NEO1: variants seen among roughly 807,000 people sequenced by gnomAD.
NEO1 encodes the protein neogenin.
Under a neutral mutation model 159.7 loss-of-function variants are expected in NEO1, and 63 were observed. The observed-to-expected ratio is 0.39, with a 90% CI of 0.32 to 0.49. The LOEUF (loss-of-function observed/expected upper bound fraction) is 0.49. NEO1 is among the 20% of genes least tolerant of loss of function. NEO1 has a pLI of 0.85. For missense variants in NEO1, 1,615 were observed against 1,831.0 expected (o/e 0.88, Z 2.15); for synonymous variants, 633 against 662.0 (o/e 0.96, Z 0.67).
chr15:73,232,605 G>A (rs1226608095), intron 7 of NEO1, among the ~76,000 whole-genome samples: 2 of 152,138 alleles, frequency 1.3e-5, no homozygotes, highest in African/African-American at 4.8e-5. Flanking sequence ...CAGTCCCTAG[G>A]GTACATACAC....
In NEO1 at chr15:73,135,894, T is replaced by G; in HGVS notation, c.882T>G (p.Ser294=). Residue 294 remains serine (S), a synonymous_variant, in exon 5 of 29, where the codon TCT becomes TCG. Coordinates refer to ENST00000261908, the MANE Select transcript of NEO1 (RefSeq NM_002499.4). ...TTTTTTTTTTTTTTTAACACAGCTC[T>G]GAAAGATTGGTATTGCTGGCAGGTG... The part of the protein sequence containing the change: ...KNEEALDTES[S]ERLVLLAGGS... 1 of 1,548,070 alleles carries G rather than the reference T, an allele frequency of 6.5e-7. No individual in the cohort carries two copies. Among genetic ancestry groups the G allele is most frequent in the Non-Finnish European group, 8.7e-7 (1 of 1,150,942 alleles).
Position 73,202,112 on chromosome 15 carries a change from C to T in NEO1, c.1291+23685C>T, listed in dbSNP as rs551792142. On this transcript the variant is annotated intron_variant, in intron 7 of 28. Transcript: ENST00000261908. The stretch of plus-strand genomic sequence containing the variant: ...CCGAGTAGCTGGGATTACAGGCATG[C>T]GCCACCACACCTGGCTATTTTTGTG... Among the ~76,000 whole-genome samples the T allele has an allele frequency of 2.8e-4, 43 of 151,472 alleles. 1 individual carries two copies. In the East Asian group the frequency reaches 2.9e-3, roughly 10 times the overall value.
chr15:73,302,625 G>C lies in NEO1; in HGVS notation c.4315G>C (p.Asp1439His). The change falls in exon 29 of 29, where the codon GAT (aspartate) becomes CAT (histidine). Residue 1439 changes from aspartate (D) to histidine (H), a missense_variant. This residue lies in a region of NEO1 where 471 missense variants were observed against 498.9 expected (regional missense o/e 0.94). Coordinates refer to ENST00000261908, the MANE Select transcript of NEO1 (RefSeq NM_002499.4). ...LEDSESSYEP[D>H]ELTKEMAHLE... ...TTCTTTTCCATAGAGCTATGAACCA[G>C]ATGAGCTGACCAAAGAGATGGCCCA... 1 of 1,614,008 alleles carries C rather than the reference G, an allele frequency of 6.2e-7. No homozygotes were observed. The highest frequency in any genetic ancestry group is 1.7e-5 in the Admixed American group (1 of 59,996).
chr15:73,271,842 G>A (rs1207629598), intron 18 of NEO1, among the ~76,000 whole-genome samples: 2 of 149,492 alleles, frequency 1.3e-5, no homozygotes, highest in African/African-American at 4.9e-5. Context: ...AGGAGGCAGA[G>A]GTTGCAATGA....
intron 9 of NEO1, among the ~76,000 whole-genome samples, chr15:73,247,893 T>C (rs2039878485): frequency 6.6e-6 from 1 of 152,150 alleles, no homozygotes; most frequent in Non-Finnish European, 1.5e-5. Context: ...GCTAGACACT[T>C]AAGCAGTCAG....
intron 5 of NEO1, among the ~76,000 whole-genome samples, chr15:73,146,852 T>C (rs2032940416): frequency 6.6e-6 from 1 of 152,232 alleles, no homozygotes; most frequent in Non-Finnish European, 1.5e-5. Context: ...GCCTGTTTGC[T>C]GTTTGTACAT....
chr15:73,256,623 G>T (rs985093888), intron 13 of NEO1, among the ~76,000 whole-genome samples: 1 of 152,152 alleles, frequency 6.6e-6, no homozygotes, highest in African/African-American at 2.4e-5. Context: ...TCACAAATGG[G>T]ATTGACTTCC....
rs1236654210 is a variant in NEO1, at chr15:73,208,313, A to C, written c.1292-28034A>C. Among the ~76,000 whole-genome samples the C allele has an allele frequency of 1.3e-5, 2 of 152,210 alleles. 1 individual carries two copies. On this transcript the variant is annotated intron_variant, in intron 7 of 28. Coordinates refer to ENST00000261908, the MANE Select transcript of NEO1 (RefSeq NM_002499.4). ...GTCAGACATGGAGTCCCTGAGATTT[A>C]TTAGCAAGACCATTTTGTTCTGTTT...
intron 27 of NEO1, 93 bp from the exon 28 acceptor site, chr15:73,301,228 C>G (rs751682750): frequency 1.7e-5 from 26 of 1,529,714 alleles, no homozygotes; most frequent in African/African-American, 2.7e-5. Context: ...GTATGTCTCT[C>G]TCACCCCGAA....
At chr15:73,220,988 G>A (rs1169599112) in intron 7 of NEO1, among the ~76,000 whole-genome samples, 2 of 152,342 alleles carry the variant, frequency 1.3e-5, no homozygotes, top group East Asian at 3.9e-4. Context: ...TTCCTTTGGA[G>A]GAGGAGAGGC....
At chr15:73,149,280 A>T (rs1182952534) in intron 5 of NEO1, among the ~76,000 whole-genome samples, 4 of 150,994 alleles carry the variant, frequency 2.6e-5, no homozygotes, top group African/African-American at 9.8e-5. Context: ...GCGCCATTGC[A>T]CTCCAGCCTG....
intron 5 of NEO1, among the ~76,000 whole-genome samples, chr15:73,140,115 G>A (rs1215439144): frequency 6.6e-6 from 1 of 152,236 alleles, no homozygotes; most frequent in African/African-American, 2.4e-5. Context: ...GGATATCACT[G>A]TATTCCACTA....
intron 7 of NEO1, among the ~76,000 whole-genome samples, chr15:73,230,091 A>G (rs1171274045): frequency 6.6e-6 from 1 of 152,072 alleles, no homozygotes; most frequent in Non-Finnish European, 1.5e-5. Flanking sequence ...CTCCTTCTCT[A>G]TTTCCTGAAA....
intron 21 of NEO1, among the ~76,000 whole-genome samples, chr15:73,276,302 G>A (rs1325005257): frequency 6.6e-6 from 1 of 152,222 alleles, no homozygotes; most frequent in Non-Finnish European, 1.5e-5. Flanking sequence ...CAGTTTGTTA[G>A]CAATGTGTGT....
chr15:73,112,198 A>C (rs1306241346), intron 1 of NEO1, among the ~76,000 whole-genome samples: 1 of 151,376 alleles, frequency 6.6e-6, no homozygotes, highest in Non-Finnish European at 1.5e-5. Context: ...AATGTAGCCC[A>C]CTCATTTTTT....
At position 73,192,662 on chromosome 15, in the gene NEO1, T is replaced by TAATAAG. The variant is rs199870997; in HGVS notation, c.1291+14237_1291+14242dup. Among the ~76,000 whole-genome samples, 1,301 of 152,090 alleles carry TAATAAG rather than the reference T, an allele frequency of 8.6e-3. 21 individuals are homozygous for TAATAAG. Among genetic ancestry groups the TAATAAG allele is most frequent in the African/African-American group, 0.03 (1,229 of 41,530 alleles). On this transcript the variant is annotated intron_variant, in intron 7 of 28. Transcript: ENST00000261908. ...ATAGAGTGGAATACTAGGAAGCTGT[T>TAATAAG]AATAAGATGTATGGAAAAATATCCA...
intron 1 of NEO1, 21 bp downstream of exon 1, chr15:73,052,826 C>A: frequency 1.7e-6 from 1 of 587,982 alleles, no homozygotes; most frequent in Non-Finnish European, 2.2e-6. Flanking sequence ...GGCGCGGGCC[C>A]GGGGGTTCGC....
At position 73,288,452 on chromosome 15, in the gene NEO1, A is replaced by G. The variant is rs748577284; in HGVS notation, c.3550A>G (p.Ile1184Val). 1 of 1,614,106 alleles carries G rather than the reference A, an allele frequency of 6.2e-7. No individual in the cohort carries two copies. Among genetic ancestry groups the G allele is most frequent in the South Asian group, 1.1e-5 (1 of 91,084 alleles). Residue 1184 changes from isoleucine (I) to valine (V), a missense_variant, in exon 24 of 29, where the codon ATC becomes GTC. Ile to Val is a conservative substitution (Grantham distance 29). Transcript: ENST00000261908. ...TGATAAGTCTCCAGACCCAAACCCCATCATGACTGATACTCCAATTCCTCG... is the reference window on the plus strand; with the variant it reads ...TGATAAGTCTCCAGACCCAAACCCCGTCATGACTGATACTCCAATTCCTCG... ...PIDKSPDPNP[I>V]MTDTPIPRNS...
chr15:73,270,435 T>C lies in NEO1; in HGVS notation c.2838T>C (p.His946=). The part of the protein sequence containing the change: ...RRSSTWSMTA[H]GTTFELVPTS... The stretch of plus-strand genomic sequence containing the variant: ...CAAGTACATGGAGTATGACAGCCCA[T>C]GGGACCACCTTTGAATTAGGTATGT... The change falls in exon 18 of 29, where the codon CAT becomes CAC. Residue 946 remains histidine (H), a synonymous_variant. Transcript: ENST00000261908. 6.2e-7 allele frequency: 1 copy of C among 1,613,562 alleles called. No homozygotes were observed.
Sources: gnomAD v4.1 joint callset for allele counts (sites outside exome capture counted in the v4.1 genomes callset) on GRCh38, gnomAD v4.1.1 for gene constraint, gnomAD v4.1.1 regional missense constraint, MANE v1.5 for transcripts, NCBI Gene and HGNC (gene_info 2026-07-23, HGNC 2026-07-21) for gene names.